The following C5 variants were observed in gnomAD, a reference collection of about 807,000 sequenced individuals.
C5 encodes the protein complement C5.
A neutral mutation model predicts 218.8 loss-of-function variants in C5; 140 were observed. That is an observed-to-expected ratio of 0.64 (90% CI 0.56 to 0.74). C5 has a LOEUF of 0.74. C5 is among the 30% of genes least tolerant of loss of function. C5 has a pLI of 0.00. For synonymous variants in C5, 614 were observed against 682.3 expected, an observed-to-expected ratio of 0.90 and a Z score of 1.56; for missense variants, 1,700 against 1,969.6, an observed-to-expected ratio of 0.86 and a Z score of 2.59.
At chr9:121,007,001 CAAATA>C in intron 18 of C5, 24 bp from the exon 19 acceptor site, 1 of 1,544,980 alleles carries the variant, frequency 6.5e-7, no homozygotes, top group Non-Finnish European at 9.0e-7. Flanking sequence ...TGTTGATATT[CAAATA>C]CAGTGGAATA....
At chr9:120,999,437 G>A (rs1429380061) in intron 20 of C5, among the ~76,000 whole-genome samples, 1 of 152,144 alleles carries the variant, frequency 6.6e-6, no homozygotes, top group African/African-American at 2.4e-5. Context: ...AGGAACTAGA[G>A]GACAAAGTAG....
chr9:121,068,749 C>A, the C5 span, among the ~76,000 whole-genome samples: 2 of 152,070 alleles, frequency 1.3e-5, no homozygotes, highest in African/African-American at 4.8e-5. Context: ...CTGTAGTAAC[C>A]AAAATAGCAT....
chr9:120,975,651 T>C (rs2046947817), intron 29 of C5, among the ~76,000 whole-genome samples: 1 of 152,230 alleles, frequency 6.6e-6, no homozygotes. Context: ...CCCTCCACTC[T>C]GCCTTCTCTT....
At position 121,006,879 on chromosome 9, in the gene C5, G is replaced by A. The variant is rs772268093; in HGVS notation, c.2422+25C>T. 92 of 1,416,052 alleles carry A rather than the reference G, an allele frequency of 6.5e-5. 2 individuals are homozygous for A. In the South Asian group the frequency reaches 1.1e-3, roughly 16 times the overall value. 87.7% of individuals were successfully genotyped at this position (1,416,052 alleles called of 1,614,324 possible). ...TTGCTAATCAAATCACTATTTAAATGCATATATCACTTAAACCTGCTTACC... is the reference window on the plus strand; with the variant it reads ...TTGCTAATCAAATCACTATTTAAATACATATATCACTTAAACCTGCTTACC... On this transcript the variant is annotated intron_variant, in intron 19 of 40. Transcript: ENST00000223642.
At chr9:121,074,730 C>A in the C5 span, 1 of 448,184 alleles carries the variant, frequency 2.2e-6, no homozygotes, top group Non-Finnish European at 4.5e-6. Flanking sequence ...TCGGCTCCCC[C>A]TGACTCTGCA....
At chr9:120,989,228 G>A in intron 24 of C5, 107 bp from the exon 25 acceptor site, 1 of 848,682 alleles carries the variant, frequency 1.2e-6, no homozygotes, top group Non-Finnish European at 2.0e-6. Context: ...GTGTTGGGCA[G>A]CAAGCATATG....
intron 33 of C5, among the ~76,000 whole-genome samples, chr9:120,967,614 A>G: frequency 6.6e-6 from 1 of 152,334 alleles, no homozygotes; most frequent in Non-Finnish European, 1.5e-5. Flanking sequence ...AGAACAGGGA[A>G]GAAGTCTGTG....
chr9:120,984,714 CTTTTTTTTTTTTTT>C (rs149222003), intron 25 of C5, among the ~76,000 whole-genome samples: 1 of 69,212 alleles, frequency 1.4e-5, no homozygotes, highest in African/African-American at 6.3e-5. Context: ...TAAGCTCTTA[CTTTTTTTTTTTTTT>C]TTTTTTTTTT....
chr9:120,993,962 T>C (rs1037096276), intron 22 of C5, among the ~76,000 whole-genome samples: 8 of 152,026 alleles, frequency 5.3e-5, no homozygotes, highest in African/African-American at 1.5e-4. Context: ...CCAATGAGGA[T>C]GGTGTGTCAG....
chr9:120,966,312 A>G, intron 33 of C5, among the ~76,000 whole-genome samples: 1 of 152,266 alleles, frequency 6.6e-6, no homozygotes, highest in East Asian at 1.9e-4. Flanking sequence ...ATGAAGTCAA[A>G]TGAATGAATT....
In C5 at chr9:121,030,694, C is replaced by T. The variant is rs538315936; in HGVS notation, c.668-207G>A. Among the ~76,000 whole-genome samples the T allele has an allele frequency of 3.1e-4, 47 of 152,260 alleles. 1 individual carries two copies. In the South Asian group the frequency reaches 3.1e-3, roughly 10 times the overall value. On this transcript the variant is annotated intron_variant, in intron 6 of 40. Coordinates refer to ENST00000223642, the MANE Select transcript of C5 (RefSeq NM_001735.3). ...CCCACTCCAACAATCAGAGGTCAAT[C>T]CAGAAGCACTTTGCCTATATTTTGA...
intron 22 of C5, among the ~76,000 whole-genome samples, chr9:120,993,072 T>C (rs2047088803): frequency 6.6e-6 from 1 of 152,178 alleles, no homozygotes; most frequent in South Asian, 2.1e-4. Context: ...TTAAAATCAT[T>C]AGTAACCAGA....
chr9:120,995,012 T>C (rs564404769), intron 22 of C5, among the ~76,000 whole-genome samples: 1 of 152,090 alleles, frequency 6.6e-6, no homozygotes, highest in South Asian at 2.1e-4. Context: ...TTGAAACTTG[T>C]AATATCTCTA....
At position 121,021,778 on chromosome 9, in the gene C5, C is replaced by T; in HGVS notation, c.1117-84G>A. 11 of 1,186,348 alleles carry T rather than the reference C, an allele frequency of 9.3e-6. No individual in the cohort carries two copies. In the South Asian group the frequency reaches 1.3e-4, roughly 14 times the overall value. 73.5% of individuals were successfully genotyped at this position (1,186,348 alleles called of 1,614,324 possible). A position where few individuals can be genotyped will look rare whatever the true frequency, so the allele number is the denominator to read the frequency against. On this transcript the variant is annotated intron_variant, in intron 10 of 40. Transcript: ENST00000223642. The stretch of plus-strand genomic sequence containing the variant: ...ATTCTGAAATAATTTTCCTTCCTCC[C>T]CACCAAAGTATAAATTATTTATGTA...
chr9:121,072,862 CTT>C, the C5 span, among the ~76,000 whole-genome samples: 1 of 149,950 alleles, frequency 6.7e-6, no homozygotes, highest in Non-Finnish European at 1.5e-5. Context: ...GTAATCTCCT[CTT>C]AAGTGGAGCT....
chr9:120,968,972 T>C (rs1220584799), intron 33 of C5, 89 bp downstream of exon 33: 6 of 1,065,622 alleles, frequency 5.6e-6, no homozygotes, highest in Non-Finnish European at 7.3e-6. Context: ...CTTCTGGACA[T>C]ACCAAAATTT....
upstream of C5, among the ~76,000 whole-genome samples, chr9:121,053,164 T>A (rs1219585286): frequency 6.6e-6 from 1 of 152,212 alleles, no homozygotes; most frequent in African/African-American, 2.4e-5. Flanking sequence ...AGGCGTCTCC[T>A]CAGAATTAAA....
rs121909588 is a variant in C5 at position 120,962,749 on chromosome 9, G to A, written c.4426C>T (p.Arg1476Ter). Residue 1476 changes from arginine (R) to a stop codon, truncating the protein, a stop_gained, in exon 36 of 41, where the codon CGA (arginine) becomes TGA (stop). Transcript: ENST00000223642. LOFTEE classifies it high-confidence loss of function. ...SIPSSDFLCVRFRIFELFEVG... is the reference protein window; with the variant it reads ...SIPSSDFLCV ...TCAAAGAGTTCAAATATCCGGAATC[G>A]TACACAAAGGAAATCACTGGAGGGA... 6.9e-5 allele frequency: 112 copies of A among 1,613,830 alleles called. No homozygotes were observed. The highest frequency in any genetic ancestry group is 3.5e-4 in the African/African-American group (26 of 74,902).
At chr9:121,068,196 T>C in the C5 span, among the ~76,000 whole-genome samples, 1 of 152,166 alleles carries the variant, frequency 6.6e-6, no homozygotes, top group Non-Finnish European at 1.5e-5. Context: ...TAAAATTATT[T>C]CTATTTGCAG....
Sources: gnomAD v4.1 joint callset for allele counts (sites outside exome capture counted in the v4.1 genomes callset) on GRCh38, gnomAD v4.1.1 for gene constraint, MANE v1.5 for transcripts, NCBI Gene and HGNC (gene_info 2026-07-23, HGNC 2026-07-21) for gene names.